The following TACC2 variants were observed in gnomAD, a reference collection of about 807,000 sequenced individuals.
TACC2 encodes transforming acidic coiled-coil containing protein 2.
A neutral mutation model predicts 227.3 loss-of-function variants in TACC2; 137 were observed. The ratio of observed to expected loss-of-function variants is 0.60; its 90% CI spans 0.52 to 0.69. TACC2 has a LOEUF of 0.69. TACC2 is among the 30% of genes least tolerant of loss of function. The pLI is 0.00. For synonymous variants in TACC2, 1,523 were observed against 1,487.5 expected (o/e 1.02, Z -0.55); for missense variants, 3,470 against 3,694.4 (o/e 0.94, Z 1.57).
intron 5 of TACC2, 191 bp downstream of exon 5, chr10:122,088,782 A>G: frequency 6.6e-7 from 1 of 1,518,646 alleles, no homozygotes; most frequent in Non-Finnish European, 8.8e-7. Flanking sequence ...TTGTTGGAAA[A>G]GGGATTGAAT....
At chr10:122,040,061 T>TA (rs771144078) in intron 2 of TACC2, among the ~76,000 whole-genome samples, 19 of 152,190 alleles carry the variant, frequency 1.2e-4, no homozygotes, top group Non-Finnish European at 2.4e-4. Flanking sequence ...TGGACTCACT[T>TA]AGGCCTCCTG....
chr10:122,126,796 C>T (rs1421730500), intron 5 of TACC2: 1 of 152,068 alleles, frequency 6.6e-6, no homozygotes. Context: ...CTGGATCATC[C>T]CAGCCTGTAG....
chr10:121,990,312 C>G (rs1952977029), intron 1 of TACC2, among the ~76,000 whole-genome samples: 1 of 151,820 alleles, frequency 6.6e-6, no homozygotes, highest in African/African-American at 2.4e-5. Context: ...AGATGGGGGT[C>G]TCGCCGTGTT....
rs749187326 is a variant in TACC2 at position 122,086,807 on chromosome 10, G to C, written c.4307G>C (p.Ser1436Thr). 2 of 1,614,000 alleles carry C rather than the reference G, an allele frequency of 1.2e-6. No individual in the cohort carries two copies. Among genetic ancestry groups the C allele is most frequent in the Non-Finnish European group, 1.7e-6 (2 of 1,179,992 alleles). ...TPGEKAGAGR[S>T]AVGKDLTRPL... ...GGAGAAAAGGCAGGAGCTGGGAGGA[G>C]TGCAGTGGGTAAAGACCTCACCAGG... Residue 1436 changes from serine (S) to threonine (T), a missense_variant, in exon 4 of 23, where the codon AGT becomes ACT. Ser to Thr is a moderately conservative substitution (Grantham distance 58). This residue lies in a region of TACC2 where 1,924 missense variants were observed against 1,978.3 expected (regional missense o/e 0.97). Transcript: ENST00000369005.
intron 3 of TACC2, among the ~76,000 whole-genome samples, chr10:122,075,200 AAAAG>A (rs1554997869): frequency 3.3e-5 from 4 of 122,372 alleles, no homozygotes; most frequent in African/African-American, 1.1e-4. Context: ...AAAAAAAAAA[AAAAG>A]AAAGAAAGAA....
At chr10:122,119,072 T>C (rs2085243407) in intron 5 of TACC2, among the ~76,000 whole-genome samples, 1 of 152,228 alleles carries the variant, frequency 6.6e-6, no homozygotes, top group Admixed American at 6.5e-5. Flanking sequence ...GTGAAACATC[T>C]CCAGAACTTA....
At chr10:122,142,710 G>A (rs554544213) in intron 6 of TACC2, among the ~76,000 whole-genome samples, 10 of 152,338 alleles carry the variant, frequency 6.6e-5, no homozygotes, top group South Asian at 2.1e-4. Context: ...GTTTCAGGCC[G>A]TCTGTGCTGA....
At chr10:122,189,738 A>G (rs978476974) in intron 7 of TACC2, among the ~76,000 whole-genome samples, 1 of 152,244 alleles carries the variant, frequency 6.6e-6, no homozygotes, top group African/African-American at 2.4e-5. Context: ...TAACATTCAA[A>G]TGTTATATAA....
At chr10:122,018,629 G>C (rs1236728990) in intron 1 of TACC2, among the ~76,000 whole-genome samples, 4 of 152,150 alleles carry the variant, frequency 2.6e-5, no homozygotes, top group Admixed American at 2.6e-4. Context: ...CTATCAATGG[G>C]ATCGTAAAAT....
chr10:122,083,998 C>T lies in TACC2; in HGVS notation c.1498C>T (p.His500Tyr). The T allele has an allele frequency of 6.2e-7, 1 of 1,614,066 alleles. No individual in the cohort carries two copies. The highest frequency in any genetic ancestry group is 8.5e-7 in the Non-Finnish European group (1 of 1,179,994). The change falls in exon 4 of 23, where the codon CAC becomes TAC. Residue 500 changes from histidine (H) to tyrosine (Y), a missense_variant. Around this residue, in one of 10 missense-constraint regions of TACC2, gnomAD observed 1,924 missense variants for 1,978.3 expected, o/e 0.97. Transcript: ENST00000369005. ...PAPSPQERGE[H>Y]LNTEQSHEVQ... is the part of the protein sequence containing the mutation. ...CCCATCACCCCAGGAGAGGGGAGAG[C>T]ACTTGAACACGGAGCAAAGCCATGA... is the stretch of plus-strand genomic sequence containing the variant.
intron 2 of TACC2, among the ~76,000 whole-genome samples, chr10:122,039,927 T>G (rs1350226592): frequency 6.6e-6 from 1 of 152,068 alleles, no homozygotes; most frequent in Non-Finnish European, 1.5e-5. Context: ...TGAAACCTCT[T>G]CTATCTGCTA....
At chr10:122,016,691 T>C (rs2135439926) in intron 1 of TACC2, among the ~76,000 whole-genome samples, 1 of 152,230 alleles carries the variant, frequency 6.6e-6, no homozygotes, top group South Asian at 2.1e-4. Context: ...GTCATTGCCT[T>C]CCCAAAGACA....
chr10:122,226,594 C>CTGAT, intron 13 of TACC2, 113 bp downstream of exon 13: 1 of 714,338 alleles, frequency 1.4e-6, no homozygotes, highest in Non-Finnish European at 2.3e-6. Flanking sequence ...AGGCGGCTGA[C>CTGAT]ATGCCACATA....
In TACC2 at chr10:122,002,094, C is replaced by T. The variant is rs182380794; in HGVS notation, c.-46+12606C>T. ...TCCAAGATGAAGGTGCTGGCTAAGG[C>T]CCTAGTGAGGATCATCTTCTTGGTT... On this transcript the variant is annotated intron_variant, in intron 1 of 22. Transcript: ENST00000369005. Among the ~76,000 whole-genome samples, 261 of 152,296 alleles carry T rather than the reference C, an allele frequency of 1.7e-3. 1 individual carries two copies. Among genetic ancestry groups the T allele is most frequent in the East Asian group, 9.6e-4 (5 of 5,190 alleles).
At chr10:122,001,459 C>T (rs756489329) in intron 1 of TACC2, among the ~76,000 whole-genome samples, 1 of 152,170 alleles carries the variant, frequency 6.6e-6, no homozygotes, top group Admixed American at 6.5e-5. Flanking sequence ...GATTCAATTA[C>T]CTCCCACTGG....
intron 8 of TACC2, among the ~76,000 whole-genome samples, chr10:122,201,084 C>A (rs2094814299): frequency 6.9e-6 from 1 of 145,526 alleles, no homozygotes; most frequent in Non-Finnish European, 1.5e-5. Context: ...GGCCACCTCA[C>A]CTGCCCACAG....
chr10:122,084,902 A>G lies in TACC2; in HGVS notation c.2402A>G (p.Asp801Gly), dbSNP rs2079932039. 6.2e-7 allele frequency: 1 copy of G among 1,613,954 alleles called. No individual in the cohort carries two copies. Among genetic ancestry groups the G allele is most frequent in the Non-Finnish European group, 8.5e-7 (1 of 1,180,018 alleles). ...LGLTALILDQ[D>G]QQGIPSCPGE... ...CTCACGGCACTCATCCTGGACCAAG[A>G]TCAGCAGGGAATCCCATCCTGCCCA... The change falls in exon 4 of 23, where the codon GAT becomes GGT. Residue 801 changes from aspartate (D) to glycine (G), a missense_variant. Physicochemically the swap from Asp to Gly is moderately conservative, Grantham distance 94. Coordinates refer to ENST00000369005, the MANE Select transcript of TACC2 (RefSeq NM_206862.4).
Position 122,141,305 on chromosome 10 carries a change from G to A in TACC2, c.5700-2267G>A, listed in dbSNP as rs975074198. Among the ~76,000 whole-genome samples, 3 of 152,124 alleles carry A rather than the reference G, an allele frequency of 2.0e-5. No homozygotes were observed. Among genetic ancestry groups the A allele is most frequent in the Non-Finnish European group, 4.4e-5 (3 of 68,028 alleles). Reference sequence around the variant, plus strand: ...TTCCTCGTGGGAGCCTGACCTCCTCGGCCCCTGGGTATGAGCCAACAGGCG... The same window carrying A: ...TTCCTCGTGGGAGCCTGACCTCCTCAGCCCCTGGGTATGAGCCAACAGGCG... On this transcript the variant is annotated intron_variant, in intron 6 of 22. Transcript: ENST00000369005. This position sits in a 1 kb window ranked among gnomAD's most constrained non-coding sequence, Gnocchi z 4.3.
intron 8 of TACC2, among the ~76,000 whole-genome samples, chr10:122,203,965 G>C (rs1321510259): frequency 6.6e-6 from 1 of 151,696 alleles, no homozygotes; most frequent in Non-Finnish European, 1.5e-5. Flanking sequence ...AGACCAGCCC[G>C]GCCAACACAG....
Sources: gnomAD v4.1 joint callset for allele counts (sites outside exome capture counted in the v4.1 genomes callset) on GRCh38, gnomAD v4.1.1 for gene constraint, gnomAD v4.1.1 regional missense constraint, Gnocchi (gnomAD v3.1) non-coding constraint, MANE v1.5 for transcripts, NCBI Gene and HGNC (gene_info 2026-07-23, HGNC 2026-07-21) for gene names.